The following LGSN variants were observed in gnomAD, a reference collection of about 807,000 sequenced individuals.
LGSN encodes lengsin, lens protein with glutamine synthetase domain.
LGSN carries 21 observed loss-of-function variants against 19.5 expected under a neutral mutation model. That is an observed-to-expected ratio of 1.07 (90% CI 0.76 to 1.55). The LOEUF (loss-of-function observed/expected upper bound fraction) is 1.55, where lower values mean the gene tolerates loss of function less well. Among genes scored for constraint, LGSN ranks in the 40% most tolerant of loss-of-function variants. LGSN has a pLI of 0.00. For missense variants in LGSN, 673 were observed against 608.5 expected (o/e 1.11, Z -1.12); for synonymous variants, 257 against 215.6 (o/e 1.19, Z -1.68).
chr6:63,444,782 G>A, the LGSN span, among the ~76,000 whole-genome samples: 1 of 152,160 alleles, frequency 6.6e-6, no homozygotes, highest in Non-Finnish European at 1.5e-5. Flanking sequence ...AGAAGAATCT[G>A]GTTGAATCAG....
At chr6:63,566,586 G>T in the LGSN span, among the ~76,000 whole-genome samples, 1 of 152,142 alleles carries the variant, frequency 6.6e-6, no homozygotes, top group Non-Finnish European at 1.5e-5. Context: ...AAATACTTTT[G>T]CTAAAAAATG....
the LGSN span, among the ~76,000 whole-genome samples, chr6:63,366,257 C>T: frequency 6.6e-6 from 1 of 152,188 alleles, no homozygotes; most frequent in East Asian, 1.9e-4. Context: ...CATACAAAAT[C>T]AATGTGCCAA....
the LGSN span, among the ~76,000 whole-genome samples, chr6:63,434,071 G>T: frequency 1.3e-5 from 2 of 152,182 alleles, no homozygotes; most frequent in African/African-American, 4.8e-5. Flanking sequence ...CCACACTTTA[G>T]TCTGAAAGGT....
chr6:63,448,670 ATTG>A, the LGSN span, among the ~76,000 whole-genome samples: 15 of 138,130 alleles, frequency 1.1e-4, no homozygotes, highest in African/African-American at 3.7e-4. Flanking sequence ...ATTTTTTGTT[ATTG>A]TTGTTTTTGT....
chr6:63,508,953 G>T, the LGSN span, among the ~76,000 whole-genome samples: 1 of 150,954 alleles, frequency 6.6e-6, no homozygotes, highest in Non-Finnish European at 1.5e-5. Flanking sequence ...GAGTATTTCT[G>T]GGGTGACTGA....
chr6:63,441,654 AGT>A, the LGSN span: 2 of 481,866 alleles, frequency 4.2e-6, no homozygotes, highest in Non-Finnish European at 8.0e-6. Flanking sequence ...GAGGAGAAAG[AGT>A]GCCAGAGAAA....
At chr6:63,455,867 G>T in the LGSN span, among the ~76,000 whole-genome samples, 3 of 152,026 alleles carry the variant, frequency 2.0e-5, no homozygotes, top group African/African-American at 7.2e-5. Flanking sequence ...TAGAGCCCAG[G>T]AGTTCAAGAC....
chr6:63,560,402 C>CT, the LGSN span, among the ~76,000 whole-genome samples: 276 of 141,518 alleles, frequency 2.0e-3, no homozygotes, highest in African/African-American at 3.3e-3. Flanking sequence ...AACACAAAGC[C>CT]TTTTTTTTTT....
the LGSN span, chr6:63,549,630 C>A: frequency 8.5e-6 from 4 of 472,868 alleles, no homozygotes; most frequent in Non-Finnish European, 1.5e-5. Flanking sequence ...ATTATCCATA[C>A]AAAAATGGAA....
the LGSN span, chr6:63,480,134 A>G: frequency 9.5e-6 from 2 of 211,432 alleles, no homozygotes; most frequent in Non-Finnish European, 2.1e-5. Flanking sequence ...AGCTGATGCC[A>G]TGGGTTTCAG....
At chr6:63,551,079 G>A in the LGSN span, among the ~76,000 whole-genome samples, 1 of 151,820 alleles carries the variant, frequency 6.6e-6, no homozygotes, top group African/African-American at 2.4e-5. Context: ...TGTTGCTGTT[G>A]TTTTGAGATG....
chr6:63,332,504 G>A, the LGSN span, among the ~76,000 whole-genome samples: 7 of 152,002 alleles, frequency 4.6e-5, no homozygotes, highest in East Asian at 1.9e-4. Flanking sequence ...GTCAACCCTC[G>A]GCTCAGCCCA....
chr6:63,568,198 T>C, the LGSN span, among the ~76,000 whole-genome samples: 3 of 152,378 alleles, frequency 2.0e-5, no homozygotes, highest in Middle Eastern at 3.4e-3. Context: ...TTGACTGTTT[T>C]GGGTATGAGG....
chr6:63,287,064 C>A (rs1293070293), intron 2 of LGSN, among the ~76,000 whole-genome samples: 2 of 152,100 alleles, frequency 1.3e-5, no homozygotes, highest in Non-Finnish European at 2.9e-5. Flanking sequence ...TATTCTTTTG[C>A]AAGATATAAT....
intron 1 of LGSN, among the ~76,000 whole-genome samples, chr6:63,302,057 AAAAAAGAGAC>A (rs771075402): frequency 1.3e-5 from 2 of 152,148 alleles, no homozygotes; most frequent in Admixed American, 6.5e-5. Flanking sequence ...TGAAGCATCC[AAAAAAGAGAC>A]AATAAATAGG....
At chr6:63,341,266 C>T in the LGSN span, among the ~76,000 whole-genome samples, 2 of 152,102 alleles carry the variant, frequency 1.3e-5, no homozygotes, top group Admixed American at 6.6e-5. Flanking sequence ...CAGGGCCGGC[C>T]GATCCTCAGG....
intron 1 of LGSN, 110 bp downstream of exon 1, chr6:63,319,804 A>G: frequency 1.3e-6 from 1 of 755,706 alleles, no homozygotes; most frequent in Non-Finnish European, 2.3e-6. Flanking sequence ...ACATATAACA[A>G]GTATAATTAT....
chr6:63,283,764 G>C (rs530660569), intron 3 of LGSN, among the ~76,000 whole-genome samples: 3 of 151,880 alleles, frequency 2.0e-5, no homozygotes, highest in Admixed American at 1.3e-4. Flanking sequence ...GCAATGGCGC[G>C]ATCTCGGCTC....
chr6:63,399,526 C>G, the LGSN span, among the ~76,000 whole-genome samples: 5 of 151,586 alleles, frequency 3.3e-5, no homozygotes, highest in South Asian at 6.3e-4. Context: ...TCCTGAGTAG[C>G]TGGGATTACA....
Sources: gnomAD v4.1 joint callset for allele counts (sites outside exome capture counted in the v4.1 genomes callset) on GRCh38, gnomAD v4.1.1 for gene constraint, MANE v1.5 for transcripts, NCBI Gene and HGNC (gene_info 2026-07-23, HGNC 2026-07-21) for gene names.